The following DOCK10 variants were observed in gnomAD, a reference collection of about 807,000 sequenced individuals.
DOCK10 encodes the protein dedicator of cytokinesis protein 10.
In DOCK10, 145 loss-of-function variants were observed where a neutral mutation model predicts 280.1. The ratio of observed to expected loss-of-function variants is 0.52; its 90% confidence interval spans 0.45 to 0.59. The LOEUF (loss-of-function observed/expected upper bound fraction) is 0.59, where lower values mean the gene tolerates loss of function less well. Among genes scored for constraint, DOCK10 ranks in the 20% least tolerant of loss-of-function variants. The pLI is 0.00. For missense variants in DOCK10, 2,368 were observed against 2,651.7 expected, an observed-to-expected ratio of 0.89 and a Z score of 2.35; for synonymous variants, 915 against 942.2, an observed-to-expected ratio of 0.97 and a Z score of 0.53.
At position 225,035,567 on chromosome 2, in the gene DOCK10, TATATATATA is replaced by T. The variant is rs1379564321; in HGVS notation, c.123+6676_123+6684del. ...TTATATATATATATATATATATATA[TATATATATA>T]TATATATATATAACACTGAATCAGT... On this transcript the variant is annotated intron_variant, in intron 1 of 55. Coordinates refer to ENST00000258390, the MANE Select transcript of DOCK10 (RefSeq NM_014689.3). 3.4e-4 allele frequency among the ~76,000 whole-genome samples: 18 copies of T among 53,690 alleles called. 1 individual carries two copies. The highest frequency in any genetic ancestry group is 7.2e-4 in the Non-Finnish European group (15 of 20,740). The allele number at this position is 53,690 out of a possible 152,430, so 35.2% of individuals were successfully genotyped here.
At chr2:224,909,932 C>A (rs941056332) in intron 3 of DOCK10, among the ~76,000 whole-genome samples, 1 of 151,502 alleles carries the variant, frequency 6.6e-6, no homozygotes, top group Non-Finnish European at 1.5e-5. Context: ...TAGTGAACTT[C>A]CATTAAAATA....
intron 27 of DOCK10, among the ~76,000 whole-genome samples, chr2:224,825,891 A>C (rs1694814151): frequency 6.6e-6 from 1 of 152,180 alleles, no homozygotes; most frequent in Non-Finnish European, 1.5e-5. Flanking sequence ...CAGCATGGCG[A>C]GGTCAAGGGG....
intron 2 of DOCK10, among the ~76,000 whole-genome samples, chr2:224,930,350 G>A (rs1267397459): frequency 6.6e-6 from 1 of 152,094 alleles, no homozygotes; most frequent in Non-Finnish European, 1.5e-5. Context: ...ACTTCCAGTG[G>A]CCTAGTCCAA....
intron 4 of DOCK10, among the ~76,000 whole-genome samples, chr2:224,888,114 C>T (rs1699414679): frequency 6.6e-6 from 1 of 152,104 alleles, no homozygotes; most frequent in African/African-American, 2.4e-5. Context: ...TCTGCACTCC[C>T]ATCATCATTG....
chr2:224,774,538 T>A (rs1488423779), intron 52 of DOCK10, among the ~76,000 whole-genome samples: 1 of 152,118 alleles, frequency 6.6e-6, no homozygotes, highest in Non-Finnish European at 1.5e-5. Context: ...CCAGAGTGGT[T>A]TAGAATCTTT....
chr2:224,874,388 T>C (rs531550047), intron 9 of DOCK10, 39 bp from the exon 10 acceptor site: 120 of 1,500,810 alleles, frequency 8.0e-5, no homozygotes, highest in Non-Finnish European at 8.9e-5. Context: ...TATCTAAATA[T>C]CCAGATACAG....
intron 18 of DOCK10, among the ~76,000 whole-genome samples, chr2:224,851,836 C>T (rs1450337197): frequency 1.3e-5 from 2 of 152,100 alleles, no homozygotes; most frequent in Non-Finnish European, 2.9e-5. Context: ...GAGTGAAACA[C>T]CACAGTTCCT....
At chr2:224,975,422 G>A in intron 1 of DOCK10, among the ~76,000 whole-genome samples, 1 of 152,286 alleles carries the variant, frequency 6.6e-6, no homozygotes, top group South Asian at 2.1e-4. Flanking sequence ...AGGGGAATCT[G>A]ATAATATTCA....
At chr2:224,866,642 T>A (rs1697926788) in intron 11 of DOCK10, among the ~76,000 whole-genome samples, 1 of 152,190 alleles carries the variant, frequency 6.6e-6, no homozygotes, top group Non-Finnish European at 1.5e-5. Flanking sequence ...GTTCCATCAT[T>A]CTTTCTACAC....
chr2:224,943,231 T>C (rs570163787), intron 1 of DOCK10, among the ~76,000 whole-genome samples: 144 of 152,338 alleles, frequency 9.5e-4, no homozygotes, highest in African/African-American at 3.3e-3. Flanking sequence ...CTCAATTGTA[T>C]GTTGTTTGTG....
At chr2:224,876,544 T>C (rs1211008179) in intron 7 of DOCK10, among the ~76,000 whole-genome samples, 1 of 152,218 alleles carries the variant, frequency 6.6e-6, no homozygotes, top group Non-Finnish European at 1.5e-5. Flanking sequence ...GCCTTGACTT[T>C]CTCACCTTAT....
Position 224,816,616 on chromosome 2 carries a change from C to G in DOCK10, c.3364+1G>C, listed in dbSNP as rs1246496506. 6.3e-7 allele frequency: 1 copy of G among 1,575,160 alleles called. No homozygotes were observed. The highest frequency in any genetic ancestry group is 8.7e-7 in the Non-Finnish European group (1 of 1,149,128). ...GAGGAAAATTCTGGGAATTTTATTA[C>G]CTGGAATGTTTGCTGATCTTATGGG... On this transcript the variant is annotated splice_donor_variant, in intron 30 of 55. Transcript: ENST00000258390. LOFTEE classifies it high-confidence loss of function.
chr2:224,916,540 C>CAAAAA (rs35956360), intron 3 of DOCK10, among the ~76,000 whole-genome samples, 155 bp downstream of exon 3: 2 of 110,936 alleles, frequency 1.8e-5, no homozygotes, highest in Non-Finnish European at 3.6e-5. Flanking sequence ...CACCCTCCCT[C>CAAAAA]AAAAAAAAAA....
chr2:224,827,884 T>G (rs111664681), intron 27 of DOCK10, among the ~76,000 whole-genome samples: 22 of 152,302 alleles, frequency 1.4e-4, no homozygotes, highest in African/African-American at 5.3e-4. Flanking sequence ...CATGGTTACA[T>G]AGACCTGGGG....
At position 224,828,777 on chromosome 2, in the gene DOCK10, C is replaced by T. The variant is rs555002941; in HGVS notation, c.3036+1764G>A. 4.6e-5 allele frequency among the ~76,000 whole-genome samples: 7 copies of T among 152,176 alleles called. No individual in the cohort carries two copies. The South Asian group carries it at 6.3e-4, about 14-fold the overall frequency. On this transcript the variant is annotated intron_variant, in intron 27 of 55. Transcript: ENST00000258390. ...GACTGGTGGGGAAGCCAAGAGGGAC[C>T]GACTCTCAGGGAGTTGTAGAGCTGG...
intron 2 of DOCK10, among the ~76,000 whole-genome samples, chr2:224,917,102 T>TTTTTTTTTC: frequency 1.9e-4 from 1 of 5,264 alleles, no homozygotes; most frequent in Non-Finnish European, 3.6e-4. Flanking sequence ...TATTGGAATC[T>TTTTTTTTTC]TTTTTTTTTT....
In DOCK10 at chr2:224,845,526, T is replaced by C; in HGVS notation, c.2352A>G (p.Glu784=). Residue 784 remains glutamate (E), a synonymous_variant, in exon 20 of 56, where the codon GAA becomes GAG. Coordinates refer to ENST00000258390, the MANE Select transcript of DOCK10 (RefSeq NM_014689.3). ...KANAKKKEAL[E]TSVGYAWLPL... ...ATTTCTTCCTGGCAGTACCTGACGT[T>C]TCCAGAGCCTCCTTCTTTTTGGCAT... 1 of 1,612,054 alleles carries C rather than the reference T, an allele frequency of 6.2e-7. No individual in the cohort carries two copies. Among genetic ancestry groups the C allele is most frequent in the Non-Finnish European group, 8.5e-7 (1 of 1,179,408 alleles).
intron 44 of DOCK10, 79 bp downstream of exon 44, chr2:224,796,237 T>C (rs956437000): frequency 9.8e-6 from 9 of 914,318 alleles, no homozygotes; most frequent in East Asian, 5.3e-5. Flanking sequence ...TCTATTTTTA[T>C]GATTTTGATA....
In DOCK10 at chr2:224,806,215, G is replaced by A; in HGVS notation, c.3725C>T (p.Thr1242Ile). The change falls in exon 34 of 56, where the codon ACC (threonine) becomes ATC (isoleucine). Residue 1242 changes from threonine (T) to isoleucine (I), a missense_variant. By Grantham distance (89) the Thr-to-Ile change is moderately conservative (BLOSUM62 -1). Coordinates refer to ENST00000258390, the MANE Select transcript of DOCK10 (RefSeq NM_014689.3). ...SNQGSRDDLS[T>I]NGGFQSQTAI... ...TGTCTGGCTTTGAAATCCTCCATTGGTGCTTAGATCATCTCTAGACCCCTG... is the reference window on the plus strand; with the variant it reads ...TGTCTGGCTTTGAAATCCTCCATTGATGCTTAGATCATCTCTAGACCCCTG... 6.2e-7 allele frequency: 1 copy of A among 1,607,184 alleles called. No homozygotes were observed. Among genetic ancestry groups the A allele is most frequent in the Non-Finnish European group, 8.5e-7 (1 of 1,175,252 alleles).
Sources: allele counts gnomAD v4.1 joint callset (sites outside exome capture counted in the v4.1 genomes callset), GRCh38; gene constraint gnomAD v4.1.1; transcripts MANE v1.5; gene names NCBI Gene and HGNC (gene_info 2026-07-23, HGNC 2026-07-21).